ODR4: variants seen among roughly 807,000 people sequenced by gnomAD.
ODR4 encodes protein odr-4 homolog.
In ODR4, 47 loss-of-function variants were observed where a neutral mutation model predicts 60.2. The observed-to-expected ratio is 0.78, with a 90% confidence interval of 0.62 to 1.00. ODR4 has a LOEUF of 1.00. Ranked by LOEUF, ODR4 falls within the 50% of genes least tolerant of loss-of-function variation. The pLI is 0.00. For missense variants in ODR4, 488 were observed against 530.8 expected (o/e 0.92, Z 0.79); for synonymous variants, 178 against 175.5 (o/e 1.01, Z -0.11).
At chr1:186,406,316 T>C in intron 12 of ODR4, 48 bp downstream of exon 12, 3 of 1,383,670 alleles carry the variant, frequency 2.2e-6, no homozygotes. Flanking sequence ...ACAGCTAAGA[T>C]TTTACCTATG....
Position 186,417,554 on chromosome 1 carries a change from T to C in ODR4, c.1197T>C (p.Ser399=). The C allele has an allele frequency of 1.3e-6, 2 of 1,575,772 alleles. No homozygotes were observed. The highest frequency in any genetic ancestry group is 1.7e-6 in the Non-Finnish European group (2 of 1,153,470). ...ATTATACCCTTTCAGCTTGTATGAG[T>C]TCTTCTATGAATAGTCAAGCTTCAT... ...IAEETNTACM[S]SSMNSQASLD... Residue 399 remains serine, a synonymous_variant, in exon 13 of 14, where the codon AGT becomes AGC. Coordinates refer to ENST00000287859, the MANE Select transcript of ODR4 (RefSeq NM_017847.6).
At position 186,393,946 on chromosome 1, in the gene ODR4, G is replaced by GA. The variant is rs1190758252; in HGVS notation, c.717dup (p.Ser240IlefsTer3). Reference sequence around the variant, plus strand: ...GCTTTTTAACTTTTGTGTTTTTTCAGAAAAAATCTTCTAGAGGAAATACTC... The same window carrying GA: ...GCTTTTTAACTTTTGTGTTTTTTCAGAAAAAAATCTTCTAGAGGAAATACTC... On this transcript the variant is annotated frameshift_variant and splice_region_variant. Coordinates refer to ENST00000287859, the MANE Select transcript of ODR4 (RefSeq NM_017847.6). LOFTEE classifies it high-confidence loss of function. 2.7e-6 allele frequency: 4 copies of GA among 1,506,486 alleles called. No individual in the cohort carries two copies. In the South Asian group the frequency reaches 3.7e-5, roughly 14 times the overall value. The allele number at this position is 1,506,486 out of a possible 1,614,324, so 93.3% of individuals were successfully genotyped here. A position where few individuals can be genotyped will look rare whatever the true frequency, so the allele number is the denominator to read the frequency against.
At chr1:186,390,661 A>G in intron 6 of ODR4, 50 bp from the exon 7 acceptor site, 1 of 1,580,238 alleles carries the variant, frequency 6.3e-7, no homozygotes, top group Non-Finnish European at 8.7e-7. Flanking sequence ...TGATCCATGT[A>G]TTTTATCTAG....
downstream of ODR4, among the ~76,000 whole-genome samples, chr1:186,422,562 T>C (rs2102108203): frequency 6.6e-6 from 1 of 152,272 alleles, no homozygotes; most frequent in South Asian, 2.1e-4. Flanking sequence ...AAACATCAAA[T>C]AATTGGTATT....
intron 13 of ODR4, 70 bp from the exon 14 acceptor site, chr1:186,418,939 G>A: frequency 7.5e-7 from 1 of 1,334,976 alleles, no homozygotes; most frequent in Non-Finnish European, 1.1e-6. Context: ...ACATTTCAGA[G>A]CCTAGGATTA....
At chr1:186,396,624 AAACT>A (rs1446181345) in intron 9 of ODR4, among the ~76,000 whole-genome samples, 17 of 152,084 alleles carry the variant, frequency 1.1e-4, no homozygotes, top group African/African-American at 3.9e-4. Flanking sequence ...AAACAAAATA[AAACT>A]AACCAACCAA....
At chr1:186,423,783 A>G (rs114344351), downstream of ODR4, among the ~76,000 whole-genome samples, 1,285 of 152,186 alleles carry the variant, frequency 8.4e-3, 17 homozygotes, top group African/African-American at 0.029. Flanking sequence ...TGTCCTGTAG[A>G]AAAATAAGCA....
At chr1:186,426,716 A>G in the ODR4 span, among the ~76,000 whole-genome samples, 1 of 152,204 alleles carries the variant, frequency 6.6e-6, no homozygotes, top group Non-Finnish European at 1.5e-5. Flanking sequence ...AATTGATGGC[A>G]GTCATTACTG....
At chr1:186,405,364 A>C in intron 11 of ODR4, among the ~76,000 whole-genome samples, 1 of 152,270 alleles carries the variant, frequency 6.6e-6, no homozygotes, top group South Asian at 2.1e-4. Flanking sequence ...ATTTGGCTCC[A>C]AACTTGGATG....
chr1:186,383,981 A>G (rs905366840), intron 3 of ODR4, among the ~76,000 whole-genome samples: 4 of 152,120 alleles, frequency 2.6e-5, no homozygotes, highest in Non-Finnish European at 4.4e-5. Flanking sequence ...GGAGGTTGCA[A>G]TGAGCCAAGA....
chr1:186,409,290 T>C lies in ODR4; in HGVS notation c.1186+3022T>C, dbSNP rs147468373. 1.5e-3 allele frequency among the ~76,000 whole-genome samples: 235 copies of C among 152,048 alleles called. 2 individuals carry two copies. The highest frequency in any genetic ancestry group is 5.3e-3 in the African/African-American group (221 of 41,476). ...CATGACAGCCTCCCAAAACCAAAACTAAAACCCAATAAATTCAAATTCTCA... is the reference window on the plus strand; with the variant it reads ...CATGACAGCCTCCCAAAACCAAAACCAAAACCCAATAAATTCAAATTCTCA... On this transcript the variant is annotated intron_variant, in intron 12 of 13. Coordinates refer to ENST00000287859, the MANE Select transcript of ODR4 (RefSeq NM_017847.6).
rs60229243 is a variant in ODR4, at chr1:186,383,678, GATATATAT to G, written c.234+535_234+542del. Among the ~76,000 whole-genome samples, 12 of 140,770 alleles carry G rather than the reference GATATATAT, an allele frequency of 8.5e-5. No homozygotes were observed. In the South Asian group the frequency reaches 9.2e-4, roughly 11 times the overall value. The allele number at this position is 140,770 out of a possible 152,430, so 92.4% of individuals were successfully genotyped here. ...ACTCAAACGTGTTTCTGTGTATGTA[GATATATAT>G]ATATATATATATGGACATATATTTG... On this transcript the variant is annotated intron_variant, in intron 3 of 13. Coordinates refer to ENST00000287859, the MANE Select transcript of ODR4 (RefSeq NM_017847.6).
At chr1:186,411,021 A>G (rs1272971156) in intron 12 of ODR4, among the ~76,000 whole-genome samples, 1 of 152,148 alleles carries the variant, frequency 6.6e-6, no homozygotes, top group African/African-American at 2.4e-5. Context: ...GTCTCAAAAA[A>G]AAAAAAAGAG....
At chr1:186,396,374 C>T (rs1285593945) in intron 9 of ODR4, among the ~76,000 whole-genome samples, 1 of 152,072 alleles carries the variant, frequency 6.6e-6, no homozygotes, top group Admixed American at 6.6e-5. Context: ...TTTGGGAGGC[C>T]TAGGCAGGGT....
At chr1:186,393,663 G>A (rs909899972) in intron 8 of ODR4, among the ~76,000 whole-genome samples, 6 of 152,268 alleles carry the variant, frequency 3.9e-5, no homozygotes, top group African/African-American at 9.6e-5. Flanking sequence ...GTTGCATACC[G>A]GTAAAACTTT....
At chr1:186,413,586 C>T (rs1054544476) in intron 12 of ODR4, among the ~76,000 whole-genome samples, 2 of 152,066 alleles carry the variant, frequency 1.3e-5, no homozygotes, top group African/African-American at 4.8e-5. Context: ...ACAGTACCAT[C>T]TAAAAAAATT....
In ODR4 at chr1:186,419,458, A is replaced by G. The variant is rs1017045269; in HGVS notation, c.*382A>G. ...CATGATGGCTCACACGTATAATCCTAATGCTTTGAGAGGCTGAGGTAGGAG... is the reference window on the plus strand; with the variant it reads ...CATGATGGCTCACACGTATAATCCTGATGCTTTGAGAGGCTGAGGTAGGAG... On this transcript the variant is annotated 3_prime_UTR_variant, in exon 14 of 14. Transcript: ENST00000287859. 1 of 183,760 alleles carries G rather than the reference A, an allele frequency of 5.4e-6. No individual in the cohort carries two copies. Among genetic ancestry groups the G allele is most frequent in the Non-Finnish European group, 1.1e-5 (1 of 87,260 alleles). The allele number at this position is 183,760 out of a possible 1,614,324, so 11.4% of individuals were successfully genotyped here. A position where few individuals can be genotyped will look rare whatever the true frequency, so the allele number is the denominator to read the frequency against.
chr1:186,382,327 TG>T (rs947663444), intron 2 of ODR4, among the ~76,000 whole-genome samples: 10 of 150,982 alleles, frequency 6.6e-5, no homozygotes, highest in Middle Eastern at 3.4e-3. Flanking sequence ...GGAGACTACT[TG>T]GGGGGAGGAT....
Position 186,386,093 on chromosome 1 carries a change from A to C in ODR4, c.330+10A>C, listed in dbSNP as rs755144990. 44 of 1,488,874 alleles carry C rather than the reference A, an allele frequency of 3.0e-5. No individual in the cohort carries two copies. The South Asian group carries it at 5.1e-4, about 17-fold the overall frequency. 92.2% of individuals were successfully genotyped at this position (1,488,874 alleles called of 1,614,324 possible). On this transcript the variant is annotated intron_variant, in intron 4 of 13. Transcript: ENST00000287859. ...AAATGCCCTGCGTAGAGTAAGTTTGATATATCGAAAATTCTTAATGAAATC... is the reference window on the plus strand; with the variant it reads ...AAATGCCCTGCGTAGAGTAAGTTTGCTATATCGAAAATTCTTAATGAAATC...
Sources: allele counts gnomAD v4.1 joint callset (sites outside exome capture counted in the v4.1 genomes callset), GRCh38; gene constraint gnomAD v4.1.1; transcripts MANE v1.5; gene names NCBI Gene and HGNC (gene_info 2026-07-23, HGNC 2026-07-21).